The following INTS2 variants were observed in gnomAD, a reference collection of about 807,000 sequenced individuals.
INTS2 encodes the protein KIAA1287.
A neutral mutation model predicts 139.6 loss-of-function variants in INTS2; 57 were observed. That is an observed-to-expected ratio of 0.41 (90% confidence interval 0.33 to 0.51). The LOEUF (loss-of-function observed/expected upper bound fraction) is 0.51. Ranked by LOEUF, INTS2 falls within the 20% of genes least tolerant of loss-of-function variation. INTS2 has a pLI of 0.28. For synonymous variants in INTS2, 473 were observed against 493.4 expected (o/e 0.96, Z 0.55); for missense variants, 1,196 against 1,436.7 (o/e 0.83, Z 2.71).
At position 61,867,144 on chromosome 17, in the gene INTS2, T is replaced by G. The variant is rs1395074185; in HGVS notation, c.*413A>C. On this transcript the variant is annotated 3_prime_UTR_variant, in exon 25 of 25. Coordinates refer to ENST00000251334, the MANE Select transcript of INTS2 (RefSeq NM_001351695.2). The surrounding 1 kb of genome is among the most constrained non-coding windows in gnomAD (Gnocchi z 5.6). ...TTACCCTTTTTTCCTCTCCCATCTTTGCATCTTTGTCACATTCTGTTACAA... is the reference window on the plus strand; with the variant it reads ...TTACCCTTTTTTCCTCTCCCATCTTGGCATCTTTGTCACATTCTGTTACAA... The G allele has an allele frequency of 6.5e-6, 1 of 152,964 alleles. No homozygotes were observed. The highest frequency in any genetic ancestry group is 6.5e-5 in the Admixed American group (1 of 15,288). 9.5% of individuals were successfully genotyped at this position (152,964 alleles called of 1,614,324 possible).
chr17:61,875,174 T>G lies in INTS2; in HGVS notation c.2457-136A>C, dbSNP rs2079117711. On this transcript the variant is annotated intron_variant, in intron 18 of 24. Coordinates refer to ENST00000251334, the MANE Select transcript of INTS2 (RefSeq NM_001351695.2). The surrounding 1 kb of genome is among the most constrained non-coding windows in gnomAD (Gnocchi z 4.6). ...CATATGAATGAACTTTGAAAAAATT[T>G]AAGCTACAGACATCTAACCTATTAA... The G allele has an allele frequency of 1.8e-6, 1 of 554,368 alleles. No individual in the cohort carries two copies. The highest frequency in any genetic ancestry group is 4.0e-5 in the Admixed American group (1 of 25,248). 34.3% of individuals were successfully genotyped at this position (554,368 alleles called of 1,614,324 possible). A position where few individuals can be genotyped will look rare whatever the true frequency, so the allele number is the denominator to read the frequency against.
intron 9 of INTS2, among the ~76,000 whole-genome samples, chr17:61,898,072 G>A (rs1230645713): frequency 2.0e-5 from 3 of 151,966 alleles, no homozygotes; most frequent in African/African-American, 7.3e-5. Flanking sequence ...CTACACAACA[G>A]CTGATATTTA....
intron 19 of INTS2, among the ~76,000 whole-genome samples, chr17:61,874,595 C>G (rs2079113421): frequency 2.6e-5 from 4 of 152,030 alleles, no homozygotes; most frequent in African/African-American, 9.7e-5. Flanking sequence ...TTTTAAAAAC[C>G]TTTTTAATGT....
intron 7 of INTS2, chr17:61,910,054 T>C (rs1477990161): frequency 6.6e-6 from 1 of 152,202 alleles, no homozygotes; most frequent in African/African-American, 2.4e-5. Context: ...TGGAATATTA[T>C]TCAGCCTTTA....
At chr17:61,902,768 G>A (rs1257961560) in intron 9 of INTS2, among the ~76,000 whole-genome samples, 1 of 151,154 alleles carries the variant, frequency 6.6e-6, no homozygotes, top group Non-Finnish European at 1.5e-5. Context: ...TATTTGGGAG[G>A]TTCAAGGAGA....
chr17:61,912,802 G>A (rs2079540973), intron 5 of INTS2, among the ~76,000 whole-genome samples: 1 of 152,040 alleles, frequency 6.6e-6, no homozygotes, highest in African/African-American at 2.4e-5. Flanking sequence ...CCAGGGCCGG[G>A]TGCAGTGGCT....
At chr17:61,901,787 G>A (rs1414602071) in intron 9 of INTS2, among the ~76,000 whole-genome samples, 1 of 151,184 alleles carries the variant, frequency 6.6e-6, no homozygotes, top group East Asian at 1.9e-4. Flanking sequence ...TAGTAGAGAC[G>A]GGGTTTCACC....
rs1311683564 is a variant in INTS2 at position 61,868,646 on chromosome 17, C to T, written c.3244+388G>A. ...CTAATACATTTATCTTTCATTTATA[C>T]ATATGATGATATTTTTCTGGAACTC... On this transcript the variant is annotated intron_variant, in intron 23 of 24. Transcript: ENST00000251334. This position sits in a 1 kb window ranked among gnomAD's most constrained non-coding sequence, Gnocchi z 4.7. Among the ~76,000 whole-genome samples, 4 of 152,060 alleles carry T rather than the reference C, an allele frequency of 2.6e-5. No individual in the cohort carries two copies. Among genetic ancestry groups the T allele is most frequent in the Non-Finnish European group, 5.9e-5 (4 of 67,970 alleles).
Position 61,897,862 on chromosome 17 carries a change from C to T in INTS2, c.1308-123G>A. On this transcript the variant is annotated intron_variant, in intron 9 of 24. Transcript: ENST00000251334. The surrounding 1 kb of genome is among the most constrained non-coding windows in gnomAD (Gnocchi z 4.4). ...CCTGCCCTATTTTCAAGTATCAAGT[C>T]AAATTAAAGGCTTGCTGAATTGGGC... 1.4e-6 allele frequency: 1 copy of T among 705,460 alleles called. No homozygotes were observed. The highest frequency in any genetic ancestry group is 2.4e-6 in the Non-Finnish European group (1 of 417,602). The allele number at this position is 705,460 out of a possible 1,614,324, so 43.7% of individuals were successfully genotyped here.
intron 15 of INTS2, among the ~76,000 whole-genome samples, chr17:61,885,940 G>C (rs910714325): frequency 6.6e-6 from 1 of 151,402 alleles, no homozygotes; most frequent in African/African-American, 2.4e-5. Flanking sequence ...GTGTTAGCCA[G>C]GATGGTCTCG....
chr17:61,867,483 T>C lies in INTS2; in HGVS notation c.*74A>G. The C allele has an allele frequency of 1.2e-6, 1 of 847,646 alleles. No individual in the cohort carries two copies. Among genetic ancestry groups the C allele is most frequent in the Non-Finnish European group, 1.9e-6 (1 of 539,404 alleles). 52.5% of individuals were successfully genotyped at this position (847,646 alleles called of 1,614,324 possible). A position where few individuals can be genotyped will look rare whatever the true frequency, so the allele number is the denominator to read the frequency against. ...AATACTTTACTGTTCCCATTCAGTT[T>C]AGAGTTGTTACTAATATGCAGATTC... On this transcript the variant is annotated 3_prime_UTR_variant, in exon 25 of 25. Coordinates refer to ENST00000251334, the MANE Select transcript of INTS2 (RefSeq NM_001351695.2). This position sits in a 1 kb window ranked among gnomAD's most constrained non-coding sequence, Gnocchi z 5.6.
At chr17:61,915,153 A>G (rs1427833129) in intron 5 of INTS2, among the ~76,000 whole-genome samples, 2 of 151,808 alleles carry the variant, frequency 1.3e-5, no homozygotes, top group Non-Finnish European at 2.9e-5. Flanking sequence ...CCTGGTTAAC[A>G]CAGTGAAACC....
intron 8 of INTS2, among the ~76,000 whole-genome samples, chr17:61,907,106 C>T (rs1318563150): frequency 6.6e-6 from 1 of 151,982 alleles, no homozygotes; most frequent in Non-Finnish European, 1.5e-5. Context: ...AGATCATTCA[C>T]TATAGTTTTG....
Position 61,927,865 on chromosome 17 carries a change from AC to A in INTS2, c.-231del. The A allele has an allele frequency of 6.2e-7, 1 of 1,613,926 alleles. No homozygotes were observed. The stretch of plus-strand genomic sequence containing the variant: ...GATACAAAGTGGGAAGGATGGGGGC[AC>A]CACACAAAGGCAGAACCGGGACTGT... On this transcript the variant is annotated 5_prime_UTR_variant, in exon 1 of 25. It removes the in-frame stop codon of an upstream open reading frame in the 5' UTR. Coordinates refer to ENST00000251334, the MANE Select transcript of INTS2 (RefSeq NM_001351695.2).
intron 16 of INTS2, among the ~76,000 whole-genome samples, chr17:61,881,737 A>C (rs2079180290): frequency 6.6e-6 from 1 of 152,242 alleles, no homozygotes; most frequent in Admixed American, 6.5e-5. Context: ...CTTCTTGTGC[A>C]TGCAAACTAC....
Position 61,876,297 on chromosome 17 carries a change from G to A in INTS2, c.2457-1259C>T, listed in dbSNP as rs148149524. Among the ~76,000 whole-genome samples the A allele has an allele frequency of 6.6e-6, 1 of 152,226 alleles. No individual in the cohort carries two copies. The highest frequency in any genetic ancestry group is 1.5e-5 in the Non-Finnish European group (1 of 68,028). ...TAAGTTTACCACACTCTCTTTCTCA[G>A]GAAGCGAGATGAGTGTGTGTTCCAT... On this transcript the variant is annotated intron_variant, in intron 18 of 24. Transcript: ENST00000251334. The surrounding 1 kb of genome is among the most constrained non-coding windows in gnomAD (Gnocchi z 4.1).
At chr17:61,916,209 C>G (rs2079581127) in intron 5 of INTS2, among the ~76,000 whole-genome samples, 1 of 152,014 alleles carries the variant, frequency 6.6e-6, no homozygotes. Flanking sequence ...CTGAGGCGGG[C>G]AGACCACGAG....
chr17:61,904,633 G>A lies in INTS2; in HGVS notation c.1182-48C>T, dbSNP rs754059775. 2.7e-6 allele frequency: 4 copies of A among 1,474,068 alleles called. No homozygotes were observed. The Admixed American group carries it at 7.4e-5, about 27-fold the overall frequency. The allele number at this position is 1,474,068 out of a possible 1,614,324, so 91.3% of individuals were successfully genotyped here. On this transcript the variant is annotated intron_variant, in intron 8 of 24. Coordinates refer to ENST00000251334, the MANE Select transcript of INTS2 (RefSeq NM_001351695.2). The stretch of plus-strand genomic sequence containing the variant: ...GCTTTACATTTTTAGTTGGGATGAA[G>A]AAGAAAAAGTGAATTTTTAACCTTT...
Position 61,909,587 on chromosome 17 carries a change from T to TG in INTS2, c.954+1932dup, listed in dbSNP as rs1162522130. Among the ~76,000 whole-genome samples, 1 of 152,010 alleles carries TG rather than the reference T, an allele frequency of 6.6e-6. No homozygotes were observed. Among genetic ancestry groups the TG allele is most frequent in the Non-Finnish European group, 1.5e-5 (1 of 68,010 alleles). On this transcript the variant is annotated intron_variant, in intron 7 of 24. Transcript: ENST00000251334. This position sits in a 1 kb window ranked among gnomAD's most constrained non-coding sequence, Gnocchi z 4.9. ...CCCTCCCAACATTTGGAGTCTATGA[T>TG]GTGTATTATCCCACTCGCTTATGTC...
Sources: allele counts gnomAD v4.1 joint callset (sites outside exome capture counted in the v4.1 genomes callset), GRCh38; gene constraint gnomAD v4.1.1; non-coding constraint Gnocchi (gnomAD v3.1); transcripts MANE v1.5; gene names NCBI Gene and HGNC (gene_info 2026-07-23, HGNC 2026-07-21).